Variants in SLC35F4 observed in about 807,000 individuals in gnomAD.
The protein encoded by SLC35F4 is solute carrier family 35 member F4, also known as chromosome 14 open reading frame 36.
SLC35F4 carries 24 observed loss-of-function variants against 44.2 expected under a neutral mutation model. That is an observed-to-expected ratio of 0.54 (90% CI 0.39 to 0.76). The LOEUF (loss-of-function observed/expected upper bound fraction) is 0.76. Ranked by LOEUF, SLC35F4 falls within the 30% of genes least tolerant of loss-of-function variation. The pLI, the probability that SLC35F4 is intolerant of heterozygous loss-of-function variation, is 0.00. For synonymous variants in SLC35F4, 238 were observed against 223.6 expected (o/e 1.06, Z -0.57); for missense variants, 562 against 586.1 (o/e 0.96, Z 0.42).
At chr14:57,713,197 G>T (rs1444482876) in intron 1 of SLC35F4, among the ~76,000 whole-genome samples, 1 of 152,038 alleles carries the variant, frequency 6.6e-6, no homozygotes, top group East Asian at 1.9e-4. Flanking sequence ...AACTACCAGG[G>T]CTCCCCAACT....
At chr14:57,888,337 A>G (rs1042078721) in intron 1 of SLC35F4, among the ~76,000 whole-genome samples, 3 of 152,222 alleles carry the variant, frequency 2.0e-5, no homozygotes, top group Non-Finnish European at 2.9e-5. Context: ...TCAACAGGGT[A>G]GTAAAGAGGA....
chr14:57,927,566 C>T (rs1218200355), intron 1 of SLC35F4, among the ~76,000 whole-genome samples: 1 of 151,550 alleles, frequency 6.6e-6, no homozygotes, highest in Non-Finnish European at 1.5e-5. Flanking sequence ...TCTCGGTTCA[C>T]TGCAACCTCT....
At chr14:57,890,551 C>CCCCATCCTA (rs11283033) in intron 1 of SLC35F4, among the ~76,000 whole-genome samples, 1 of 151,746 alleles carries the variant, frequency 6.6e-6, no homozygotes, top group East Asian at 1.9e-4. Context: ...GAGCCCCTCT[C>CCCCATCCTA]CACTGCATGG....
At chr14:57,883,354 G>A (rs778482082) in intron 1 of SLC35F4, among the ~76,000 whole-genome samples, 4 of 152,266 alleles carry the variant, frequency 2.6e-5, no homozygotes, top group East Asian at 3.9e-4. Context: ...GTCGTCAGGC[G>A]ATGAAGAATC....
chr14:57,845,692 G>C (rs17093777), intron 1 of SLC35F4, among the ~76,000 whole-genome samples: 3,360 of 152,290 alleles, frequency 0.022, 142 homozygotes, highest in African/African-American at 0.076. Flanking sequence ...GTCAGAAGCT[G>C]TATGTGCTGG....
intron 1 of SLC35F4, among the ~76,000 whole-genome samples, chr14:57,597,187 C>T (rs1238664898): frequency 6.6e-6 from 1 of 152,132 alleles, no homozygotes; most frequent in Non-Finnish European, 1.5e-5. Flanking sequence ...GATTGCAAAT[C>T]CAGTTAGTAA....
chr14:57,587,346 A>C (rs1289470689), intron 3 of SLC35F4, among the ~76,000 whole-genome samples: 1 of 152,248 alleles, frequency 6.6e-6, no homozygotes, highest in Non-Finnish European at 1.5e-5. Flanking sequence ...TGGCACTGTT[A>C]ACAATAGCAA....
intron 1 of SLC35F4, among the ~76,000 whole-genome samples, chr14:57,735,444 T>A (rs1399300130): frequency 6.6e-6 from 1 of 152,078 alleles, no homozygotes; most frequent in Admixed American, 6.6e-5. Context: ...AGCTAGAGAG[T>A]TGGCAGGGCC....
intron 1 of SLC35F4, among the ~76,000 whole-genome samples, chr14:57,772,377 GTTTTTA>G (rs2077385952): frequency 8.3e-6 from 1 of 121,174 alleles, no homozygotes; most frequent in Admixed American, 8.8e-5. Context: ...TGTTCTTTTA[GTTTTTA>G]TTTTTTTTGA....
chr14:57,656,765 T>G (rs1477023992), intron 1 of SLC35F4, among the ~76,000 whole-genome samples: 1 of 152,172 alleles, frequency 6.6e-6, no homozygotes, highest in East Asian at 1.9e-4. Flanking sequence ...TCTGTGCCTC[T>G]ATTATTACTA....
chr14:57,982,154 G>A (rs1181946946), upstream of SLC35F4: 1 of 152,104 alleles, frequency 6.6e-6, no homozygotes, highest in Non-Finnish European at 1.5e-5. Context: ...TTCCTACTTC[G>A]TGAGGAGACA....
chr14:57,885,037 CT>C (rs574375826), intron 1 of SLC35F4, among the ~76,000 whole-genome samples: 358 of 152,162 alleles, frequency 2.4e-3, no homozygotes, highest in Non-Finnish European at 3.6e-3. Context: ...TACTTTGCAA[CT>C]TTTTTTTCCC....
At chr14:57,903,715 G>T (rs1017814047) in intron 1 of SLC35F4, among the ~76,000 whole-genome samples, 4 of 152,166 alleles carry the variant, frequency 2.6e-5, no homozygotes, top group African/African-American at 9.7e-5. Context: ...AAAGTCTAAA[G>T]TGCAATAGCA....
chr14:57,649,126 C>T (rs1363459020), intron 1 of SLC35F4, among the ~76,000 whole-genome samples: 1 of 152,194 alleles, frequency 6.6e-6, no homozygotes, highest in East Asian at 1.9e-4. Context: ...CTTCTCACAC[C>T]TTTTCCTTTC....
At chr14:57,865,680 C>T (rs913011764) in intron 1 of SLC35F4, 43 bp downstream of exon 1, 23 of 1,485,360 alleles carry the variant, frequency 1.5e-5, no homozygotes, top group Admixed American at 6.4e-5. Flanking sequence ...GCGCGCCCAC[C>T]TCCCTTCCCC....
At position 57,597,594 on chromosome 14, in the gene SLC35F4, G is replaced by C. The variant is rs369922474; in HGVS notation, c.104-3470C>G. Among the ~76,000 whole-genome samples the C allele has an allele frequency of 2.6e-5, 4 of 152,338 alleles. No homozygotes were observed. In the East Asian group the frequency reaches 7.7e-4, roughly 29 times the overall value. On this transcript the variant is annotated intron_variant, in intron 1 of 7. Coordinates refer to ENST00000556826, the MANE Select transcript of SLC35F4 (RefSeq NM_001306087.2). ...ATGCAGCTGGGGGAGCAGGAAGAAA[G>C]GGAGTGAGGGATTCATTCAGAAGCC... is the stretch of plus-strand genomic sequence containing the variant.
upstream of SLC35F4, among the ~76,000 whole-genome samples, chr14:57,867,399 A>C (rs1285184841): frequency 1.3e-5 from 2 of 152,172 alleles, no homozygotes; most frequent in Non-Finnish European, 2.9e-5. Flanking sequence ...GGATCTTGAG[A>C]GTGGAGTCAA....
chr14:57,882,658 C>T lies in SLC35F4; in HGVS notation n.282+99255G>A, dbSNP rs547786334. 2.6e-4 allele frequency among the ~76,000 whole-genome samples: 39 copies of T among 152,294 alleles called. No individual in the cohort carries two copies. In the South Asian group the frequency reaches 7.9e-3, roughly 31 times the overall value. ...AATTACCTCTCTCCACAAATCATAG[C>T]TTTCCAGCCCATTTTCTTGCTAAAG... On this transcript the variant is annotated intron_variant and non_coding_transcript_variant, in intron 1 of 1. Coordinates refer to the SLC35F4 transcript ENST00000556568.
At chr14:57,880,074 AAGGAAGGAAGGAAG>A (rs1888496885) in intron 1 of SLC35F4, among the ~76,000 whole-genome samples, 1 of 128,818 alleles carries the variant, frequency 7.8e-6, no homozygotes, top group African/African-American at 3.3e-5. Context: ...GGAAGGAAGG[AAGGAAGGAAGGAAG>A]GAAGGAAGGA....
Sources: allele counts gnomAD v4.1 joint callset (sites outside exome capture counted in the v4.1 genomes callset), GRCh38; gene constraint gnomAD v4.1.1; transcripts MANE v1.5; gene names NCBI Gene and HGNC (gene_info 2026-07-23, HGNC 2026-07-21).